The following ARFGEF3 variants were observed in gnomAD, a reference collection of about 807,000 sequenced individuals.
ARFGEF3 encodes the protein ARFGEF family member 3.
Under a neutral mutation model 221.7 loss-of-function variants are expected in ARFGEF3, and 96 were observed. The observed-to-expected ratio is 0.43, with a 90% CI of 0.37 to 0.51. The LOEUF (loss-of-function observed/expected upper bound fraction) is 0.51. Ranked by LOEUF, ARFGEF3 falls within the 20% of genes least tolerant of loss-of-function variation. The pLI, the probability that ARFGEF3 is intolerant of heterozygous loss-of-function variation, is 0.00. For missense variants in ARFGEF3, 2,410 were observed against 2,789.9 expected (o/e 0.86, Z 3.07); for synonymous variants, 1,145 against 1,126.8 (o/e 1.02, Z -0.32).
chr6:138,249,331 A>G (rs762167374), intron 8 of ARFGEF3, among the ~76,000 whole-genome samples: 5 of 152,128 alleles, frequency 3.3e-5, no homozygotes, highest in Non-Finnish European at 7.4e-5. Flanking sequence ...TTGTTTTGTT[A>G]TTATTATTTT....
intron 2 of ARFGEF3, among the ~76,000 whole-genome samples, chr6:138,176,132 T>G (rs964642518): frequency 6.6e-6 from 1 of 152,128 alleles, no homozygotes; most frequent in Non-Finnish European, 1.5e-5. Context: ...TACACATGTC[T>G]CTACAAGTAA....
chr6:138,291,832 C>T lies in ARFGEF3; in HGVS notation c.3147C>T (p.Ser1049=), dbSNP rs367548654. Residue 1049 remains serine (S), a synonymous_variant, in exon 19 of 34, where the codon AGC becomes AGT. Coordinates refer to ENST00000251691, the MANE Select transcript of ARFGEF3 (RefSeq NM_020340.5). The surrounding 1 kb of genome is among the most constrained non-coding windows in gnomAD (Gnocchi z 4.5). The part of the protein sequence containing the change: ...TISQPQKATG[S]AGLLGDPECE... ...GCCAGCCCCAGAAGGCCACTGGAAGCGCTGGCCTCCTTGGGGACCCCGAGT... is the reference window on the plus strand; with the variant it reads ...GCCAGCCCCAGAAGGCCACTGGAAGTGCTGGCCTCCTTGGGGACCCCGAGT... 37 of 1,499,316 alleles carry T rather than the reference C, an allele frequency of 2.5e-5. No individual in the cohort carries two copies. The highest frequency in any genetic ancestry group is 2.9e-5 in the Non-Finnish European group (32 of 1,122,038). 92.9% of individuals were successfully genotyped at this position (1,499,316 alleles called of 1,614,324 possible).
chr6:138,253,528 C>T (rs1362270701), intron 8 of ARFGEF3, among the ~76,000 whole-genome samples: 4 of 152,130 alleles, frequency 2.6e-5, no homozygotes, highest in Non-Finnish European at 1.5e-5. Context: ...CTGTCTTCTC[C>T]CCGTGTCTCT....
Position 138,323,020 on chromosome 6 carries a change from G to A in ARFGEF3, c.4767-651G>A, listed in dbSNP as rs146877459. Among the ~76,000 whole-genome samples, 516 of 151,636 alleles carry A rather than the reference G, an allele frequency of 3.4e-3. 4 individuals are homozygous for A. The highest frequency in any genetic ancestry group is 0.012 in the African/African-American group (486 of 41,332). Reference sequence around the variant, plus strand: ...ACTTTCCAAGCAGAAGAACAAAATAGCATTGAGATAAGAGTTTGGGGTTTG... The same window carrying A: ...ACTTTCCAAGCAGAAGAACAAAATAACATTGAGATAAGAGTTTGGGGTTTG... On this transcript the variant is annotated intron_variant, in intron 29 of 33. Coordinates refer to ENST00000251691, the MANE Select transcript of ARFGEF3 (RefSeq NM_020340.5).
chr6:138,293,413 A>G (rs1779449684), intron 19 of ARFGEF3, among the ~76,000 whole-genome samples: 1 of 152,234 alleles, frequency 6.6e-6, no homozygotes, highest in Non-Finnish European at 1.5e-5. Flanking sequence ...AAAGAAAAAG[A>G]ACCTGTAAGA....
chr6:138,329,945 G>A (rs182913341), intron 32 of ARFGEF3, among the ~76,000 whole-genome samples: 3,847 of 152,086 alleles, frequency 0.025, 75 homozygotes, highest in South Asian at 0.04. Context: ...GGGTGGGGCC[G>A]TTTTATAGGA....
intron 4 of ARFGEF3, chr6:138,218,048 G>GA: frequency 6.2e-7 from 1 of 1,613,662 alleles, no homozygotes; most frequent in Non-Finnish European, 8.5e-7. Flanking sequence ...CCAGACCTAG[G>GA]GTCTGAGTTA....
rs1317219694 is a variant in ARFGEF3, at chr6:138,338,129, C to A, written c.*1643C>A. The A allele has an allele frequency of 6.6e-6, 1 of 152,216 alleles. No homozygotes were observed. Among genetic ancestry groups the A allele is most frequent in the Non-Finnish European group, 1.5e-5 (1 of 68,038 alleles). 9.4% of individuals were successfully genotyped at this position (152,216 alleles called of 1,614,324 possible). On this transcript the variant is annotated 3_prime_UTR_variant, in exon 34 of 34. Transcript: ENST00000251691. ...ATTTTTTTCCCAGTTCCACAAAACA[C>A]TCTGTTTGCCTTCAGTTTTTACTCA...
chr6:138,296,623 C>T (rs77135345), intron 20 of ARFGEF3, among the ~76,000 whole-genome samples, 187 bp from the exon 21 acceptor site: 4,542 of 152,148 alleles, frequency 0.03, 223 homozygotes, highest in African/African-American at 0.1. Context: ...AGTGAGAGGA[C>T]GATGCAGGCC....
At chr6:138,218,064 A>G (rs748917115) in intron 4 of ARFGEF3, 1 of 1,613,934 alleles carries the variant, frequency 6.2e-7, no homozygotes, top group South Asian at 1.1e-5. Flanking sequence ...AGTTAACTGC[A>G]AAGTCAATGT....
chr6:138,329,266 G>A, intron 32 of ARFGEF3, among the ~76,000 whole-genome samples: 1 of 152,142 alleles, frequency 6.6e-6, no homozygotes, highest in East Asian at 1.9e-4. Flanking sequence ...ATGAAACACA[G>A]TGGATAGGTA....
intron 17 of ARFGEF3, 131 bp from the exon 18 acceptor site, chr6:138,289,687 T>C: frequency 1.1e-6 from 1 of 928,002 alleles, no homozygotes; most frequent in Non-Finnish European, 1.7e-6. Flanking sequence ...AAGGACCTAC[T>C]GTGGAGGTGC....
intron 2 of ARFGEF3, among the ~76,000 whole-genome samples, chr6:138,183,059 G>C (rs768466862): frequency 2.6e-5 from 4 of 152,160 alleles, no homozygotes; most frequent in Non-Finnish European, 5.9e-5. Flanking sequence ...AACAAAAGGG[G>C]TTTTGTAAGC....
chr6:138,209,794 C>A lies in ARFGEF3; in HGVS notation c.220-116C>A. On this transcript the variant is annotated intron_variant, in intron 3 of 33. Transcript: ENST00000251691. ...ATAGCGTAAGTTCTTTCTTAATGGC[C>A]TCCAGCTACACGCCTCCCCAGTAAG... 2 of 1,313,548 alleles carry A rather than the reference C, an allele frequency of 1.5e-6. 1 individual carries two copies. The highest frequency in any genetic ancestry group is 4.3e-5 in the Admixed American group (2 of 46,422). The allele number at this position is 1,313,548 out of a possible 1,614,324, so 81.4% of individuals were successfully genotyped here. A position where few individuals can be genotyped will look rare whatever the true frequency, so the allele number is the denominator to read the frequency against.
At chr6:138,211,186 C>A (rs1289520789) in intron 4 of ARFGEF3, among the ~76,000 whole-genome samples, 3 of 152,172 alleles carry the variant, frequency 2.0e-5, no homozygotes, top group African/African-American at 7.2e-5. Flanking sequence ...CAGTATCTGG[C>A]ACAAAGCTAG....
In ARFGEF3 at chr6:138,255,466, C is replaced by A; in HGVS notation, c.801C>A (p.Ile267=). The change falls in exon 10 of 34, where the codon ATC becomes ATA. Residue 267 remains isoleucine, a synonymous_variant. Coordinates refer to ENST00000251691, the MANE Select transcript of ARFGEF3 (RefSeq NM_020340.5). ...ACCTCTGCCCTGCTCTCATCGTGAT[C>A]TTGGGGAATCCAATTCATGACAAAA... ...WKNLCPALIV[I]LGNPIHDKTI... is the part of the protein sequence containing the mutation. 6.2e-7 allele frequency: 1 copy of A among 1,610,308 alleles called. No individual in the cohort carries two copies. The highest frequency in any genetic ancestry group is 2.2e-5 in the East Asian group (1 of 44,768).
Position 138,293,975 on chromosome 6 carries a change from CTT to C in ARFGEF3, c.3369-16_3369-15del, listed in dbSNP as rs767171088. The C allele has an allele frequency of 6.2e-7, 1 of 1,610,400 alleles. No individual in the cohort carries two copies. Among genetic ancestry groups the C allele is most frequent in the Admixed American group, 1.7e-5 (1 of 59,184 alleles). On this transcript the variant is annotated splice_polypyrimidine_tract_variant and intron_variant, in intron 19 of 33. Coordinates refer to ENST00000251691, the MANE Select transcript of ARFGEF3 (RefSeq NM_020340.5). Reference sequence around the variant, plus strand: ...TGAATTGTTTCCAAAGAACACATCTCTTTCTGTTTGCATCCAGGCTCTTTGAA... The same window carrying C: ...TGAATTGTTTCCAAAGAACACATCTCTCTGTTTGCATCCAGGCTCTTTGAA...
chr6:138,258,529 G>A (rs1778727999), intron 10 of ARFGEF3, among the ~76,000 whole-genome samples: 1 of 152,052 alleles, frequency 6.6e-6, no homozygotes, highest in Non-Finnish European at 1.5e-5. Context: ...TTCATGGTTG[G>A]GCTTCCTCAG....
intron 32 of ARFGEF3, among the ~76,000 whole-genome samples, chr6:138,329,976 AG>A (rs1203881903): frequency 6.6e-6 from 1 of 151,848 alleles, no homozygotes; most frequent in African/African-American, 2.4e-5. Flanking sequence ...TAAAGGAAAA[AG>A]GGGGGTTGTT....
Sources: gnomAD v4.1 joint callset for allele counts (sites outside exome capture counted in the v4.1 genomes callset) on GRCh38, gnomAD v4.1.1 for gene constraint, Gnocchi (gnomAD v3.1) non-coding constraint, MANE v1.5 for transcripts, NCBI Gene and HGNC (gene_info 2026-07-23, HGNC 2026-07-21) for gene names.